IGFL2: variants seen among roughly 807,000 people sequenced by gnomAD.
IGFL2 encodes insulin growth factor-like family member 2.
In IGFL2, 7 loss-of-function variants were observed where a neutral mutation model predicts 13.9. The observed-to-expected ratio is 0.51, with a 90% CI of 0.29 to 0.95. The LOEUF (loss-of-function observed/expected upper bound fraction) is 0.95. Ranked by LOEUF, IGFL2 falls within the 40% of genes least tolerant of loss-of-function variation. IGFL2 has a pLI of 0.08. For missense variants in IGFL2, 138 were observed against 147.8 expected (o/e 0.93, Z 0.34); for synonymous variants, 55 against 55.8 (o/e 0.99, Z 0.07).
At chr19:46,141,163 A>G (rs1384880601), upstream of IGFL2, among the ~76,000 whole-genome samples, 1 of 152,222 alleles carries the variant, frequency 6.6e-6, no homozygotes, top group Non-Finnish European at 1.5e-5. Flanking sequence ...AAGGCAGTTC[A>G]CTACACAAAC....
the IGFL2 span, among the ~76,000 whole-genome samples, chr19:46,177,991 G>C: frequency 6.6e-6 from 1 of 152,030 alleles, no homozygotes; most frequent in Admixed American, 6.6e-5. Flanking sequence ...TTAAAATAGA[G>C]AGCGTGGCCG....
At chr19:46,100,468 A>G in the IGFL2 span, among the ~76,000 whole-genome samples, 7 of 152,278 alleles carry the variant, frequency 4.6e-5, no homozygotes, top group African/African-American at 1.4e-4. Flanking sequence ...GTGAATCTGC[A>G]TTTTTACATA....
At chr19:46,125,019 GCTCC>G in the IGFL2 span, among the ~76,000 whole-genome samples, 2 of 141,140 alleles carry the variant, frequency 1.4e-5, no homozygotes, top group East Asian at 2.2e-4. Flanking sequence ...GCCCAACTAA[GCTCC>G]AATCAGAGAG....
At chr19:46,205,741 G>A in the IGFL2 span, among the ~76,000 whole-genome samples, 3 of 152,168 alleles carry the variant, frequency 2.0e-5, no homozygotes, top group Non-Finnish European at 4.4e-5. Flanking sequence ...CCCAGATGAT[G>A]ACGCCACATT....
chr19:46,175,789 C>T, the IGFL2 span, among the ~76,000 whole-genome samples: 1 of 151,156 alleles, frequency 6.6e-6, no homozygotes, highest in Non-Finnish European at 1.5e-5. Flanking sequence ...GATCCTCCTG[C>T]CTCAGCCTCC....
chr19:46,184,110 T>C, the IGFL2 span, among the ~76,000 whole-genome samples: 1 of 152,236 alleles, frequency 6.6e-6, no homozygotes, highest in African/African-American at 2.4e-5. Flanking sequence ...TGGACACACT[T>C]CTAATTTTGT....
chr19:46,190,776 A>G, the IGFL2 span, among the ~76,000 whole-genome samples: 5 of 152,208 alleles, frequency 3.3e-5, no homozygotes, highest in South Asian at 1.0e-3. Flanking sequence ...GAAGAGACCA[A>G]AAATGCATGT....
At chr19:46,082,478 C>G in the IGFL2 span, among the ~76,000 whole-genome samples, 1 of 152,080 alleles carries the variant, frequency 6.6e-6, no homozygotes. Context: ...TTGTGTGCCA[C>G]TGAAGAGAGG....
the IGFL2 span, among the ~76,000 whole-genome samples, chr19:46,176,223 A>G: frequency 1.3e-5 from 2 of 151,894 alleles, no homozygotes; most frequent in African/African-American, 2.4e-5. Flanking sequence ...GAAGGATCCA[A>G]TTGGATGACT....
Position 46,161,068 on chromosome 19 carries a change from A to G in IGFL2, c.342-2A>G, listed in dbSNP as rs1411816358. On this transcript the variant is annotated splice_acceptor_variant, in intron 3 of 3. Transcript: ENST00000377693. LOFTEE classifies it high-confidence loss of function. ...AATTTCTTGGTTTCTTTTTCTCTGTAGCAGAAGACGTTTTCCCTGAGAAGA... is the reference window on the plus strand; with the variant it reads ...AATTTCTTGGTTTCTTTTTCTCTGTGGCAGAAGACGTTTTCCCTGAGAAGA... 6.3e-7 allele frequency: 1 copy of G among 1,589,470 alleles called. No individual in the cohort carries two copies. The highest frequency in any genetic ancestry group is 1.8e-5 in the Admixed American group (1 of 55,618).
the IGFL2 span, among the ~76,000 whole-genome samples, chr19:46,211,212 T>C: frequency 6.6e-6 from 1 of 152,176 alleles, no homozygotes; most frequent in Non-Finnish European, 1.5e-5. Flanking sequence ...AATTCACTGG[T>C]CTGCATCATA....
the IGFL2 span, among the ~76,000 whole-genome samples, chr19:46,117,410 T>A: frequency 6.6e-6 from 1 of 152,196 alleles, no homozygotes; most frequent in East Asian, 1.9e-4. Flanking sequence ...AAAAGTCAAT[T>A]TTTTTTTCTG....
At chr19:46,105,984 G>A in the IGFL2 span, among the ~76,000 whole-genome samples, 2 of 152,100 alleles carry the variant, frequency 1.3e-5, no homozygotes, top group African/African-American at 4.8e-5. Context: ...AAGGATTTAG[G>A]ATTTATGGGG....
At chr19:46,083,445 A>G in the IGFL2 span, among the ~76,000 whole-genome samples, 1 of 152,348 alleles carries the variant, frequency 6.6e-6, no homozygotes, top group African/African-American at 2.4e-5. Context: ...GTACATTTAT[A>G]TTAATATGTA....
the IGFL2 span, among the ~76,000 whole-genome samples, chr19:46,118,878 G>GT: frequency 1.3e-5 from 2 of 152,180 alleles, no homozygotes; most frequent in South Asian, 2.1e-4. Context: ...AGTTTCCATA[G>GT]TTTAAGTTCA....
chr19:46,113,462 G>T, the IGFL2 span: 2 of 380,944 alleles, frequency 5.3e-6, no homozygotes, highest in South Asian at 2.0e-5. Context: ...CCAGGATTAC[G>T]ACAAAGAAGA....
At chr19:46,160,127 T>G in intron 1 of IGFL2, 2 of 456,668 alleles carry the variant, frequency 4.4e-6, no homozygotes, top group South Asian at 5.1e-5. Flanking sequence ...TAACAGCTGC[T>G]CCCTCCTTTT....
the IGFL2 span, among the ~76,000 whole-genome samples, chr19:46,132,834 T>C: frequency 6.6e-6 from 1 of 152,006 alleles, no homozygotes; most frequent in Non-Finnish European, 1.5e-5. Flanking sequence ...AGGGAAAAGG[T>C]ACACTCTGTC....
chr19:46,170,207 T>C, the IGFL2 span, among the ~76,000 whole-genome samples: 1 of 150,984 alleles, frequency 6.6e-6, no homozygotes, highest in African/African-American at 2.4e-5. Context: ...ACTCACTGTG[T>C]TGGTGTCACT....
Sources: gnomAD v4.1 joint callset for allele counts (sites outside exome capture counted in the v4.1 genomes callset) on GRCh38, gnomAD v4.1.1 for gene constraint, MANE v1.5 for transcripts, NCBI Gene and HGNC (gene_info 2026-07-23, HGNC 2026-07-21) for gene names.